The following DCDC1 variants were observed in gnomAD, a reference collection of about 807,000 sequenced individuals.
DCDC1 encodes doublecortin domain containing 1, also known as doublecortin domain-containing protein 1.
A neutral mutation model predicts 178.3 loss-of-function variants in DCDC1; 200 were observed. The observed-to-expected ratio is 1.12, with a 90% CI of 1.00 to 1.26. DCDC1 has a LOEUF of 1.26. Ranked by LOEUF, DCDC1 falls within the 50% of genes most tolerant of loss-of-function variation. DCDC1 has a pLI of 0.00. For synonymous variants in DCDC1, 690 were observed against 604.8 expected (o/e 1.14, Z -2.07); for missense variants, 1,983 against 1,749.2 (o/e 1.13, Z -2.38).
intron 8 of DCDC1, among the ~76,000 whole-genome samples, chr11:31,250,307 A>T (rs1215729149): frequency 6.7e-6 from 1 of 148,374 alleles, no homozygotes; most frequent in Non-Finnish European, 1.5e-5. Context: ...CAAGGCAAAA[A>T]AAAATTATGA....
intron 32 of DCDC1, among the ~76,000 whole-genome samples, chr11:30,902,579 T>A (rs1314476987): frequency 6.6e-6 from 1 of 152,150 alleles, no homozygotes; most frequent in East Asian, 1.9e-4. Flanking sequence ...TAGTAAAATA[T>A]GTACATTTTA....
chr11:31,069,041 C>G (rs1343136781), intron 18 of DCDC1, among the ~76,000 whole-genome samples: 1 of 151,870 alleles, frequency 6.6e-6, no homozygotes, highest in Non-Finnish European at 1.5e-5. Flanking sequence ...TTAGTAGAGA[C>G]AGGGTTTCAC....
chr11:31,153,817 C>CACA (rs957007039), intron 9 of DCDC1, among the ~76,000 whole-genome samples: 5 of 149,990 alleles, frequency 3.3e-5, no homozygotes, highest in Non-Finnish European at 5.9e-5. Flanking sequence ...CACACACACA[C>CACA]AATTACCATA....
intron 1 of DCDC1, among the ~76,000 whole-genome samples, chr11:31,357,839 T>C (rs1382518907): frequency 1.3e-5 from 2 of 151,554 alleles, no homozygotes; most frequent in African/African-American, 4.8e-5. Flanking sequence ...CCATTCACAA[T>C]TGCTTCAAAG....
At chr11:31,284,091 C>T (rs1946647961) in intron 7 of DCDC1, among the ~76,000 whole-genome samples, 1 of 152,020 alleles carries the variant, frequency 6.6e-6, no homozygotes, top group African/African-American at 2.4e-5. Flanking sequence ...GCTGATGCTT[C>T]CTGTTGTCTA....
rs549187944 is a variant in DCDC1 at position 30,909,106 on chromosome 11, G to A, written c.3758C>T (p.Pro1253Leu). The part of the protein sequence containing the change: ...GYPVIVQKYK[P>L]YNNGAANQKW... ...TTGATTGGCAGCTCCATTGTTGTAC[G>A]GCTTATATTTCTGAAAAAAGAGGCA... The change falls in exon 29 of 39, where the codon CCG becomes CTG. Residue 1253 changes from proline to leucine, a missense_variant. Transcript: ENST00000684477. The A allele has an allele frequency of 6.2e-6, 10 of 1,604,212 alleles. No individual in the cohort carries two copies. In the South Asian group the frequency reaches 6.7e-5, roughly 11 times the overall value.
chr11:30,936,063 C>T (rs1311167997), intron 21 of DCDC1, among the ~76,000 whole-genome samples: 1 of 151,886 alleles, frequency 6.6e-6, no homozygotes, highest in Non-Finnish European at 1.5e-5. Flanking sequence ...AGCTTGTCTT[C>T]TTTCCAAGTC....
At chr11:30,913,396 C>A (rs1945594060) in intron 27 of DCDC1, among the ~76,000 whole-genome samples, 1 of 151,756 alleles carries the variant, frequency 6.6e-6, no homozygotes, top group East Asian at 1.9e-4. Flanking sequence ...GCAACAGAGA[C>A]TCTGTCTCAA....
Position 31,102,227 on chromosome 11 carries a change from G to T in DCDC1, c.1933C>A (p.Pro645Thr), listed in dbSNP as rs780035030. The change falls in exon 15 of 39, where the codon CCT (proline) becomes ACT (threonine). Residue 645 changes from proline (P) to threonine (T), a missense_variant. Transcript: ENST00000684477. ...INFNCTSQQI[P>T]DQFEKVDLEN... ...AAGTCCACCTTTTCAAACTGGTCAG[G>T]TATCTGTTGACTGGTACAGTTGAAA... 4 of 740,822 alleles carry T rather than the reference G, an allele frequency of 5.4e-6. No homozygotes were observed. The highest frequency in any genetic ancestry group is 9.9e-6 in the Non-Finnish European group (4 of 402,262). The allele number at this position is 740,822 out of a possible 1,614,324, so 45.9% of individuals were successfully genotyped here. A position where few individuals can be genotyped will look rare whatever the true frequency, so the allele number is the denominator to read the frequency against.
chr11:30,872,959 CA>C (rs987833036), intron 38 of DCDC1, among the ~76,000 whole-genome samples: 51 of 151,762 alleles, frequency 3.4e-4, no homozygotes, highest in African/African-American at 1.1e-3. Flanking sequence ...GCATGCCCAG[CA>C]CCTAGAACAG....
rs571915321 is a variant in DCDC1, at chr11:30,969,794, A to G, written c.2592-17226T>C. 1.3e-3 allele frequency among the ~76,000 whole-genome samples: 199 copies of G among 152,330 alleles called. 2 individuals carry two copies. Among genetic ancestry groups the G allele is most frequent in the African/African-American group, 4.0e-3 (167 of 41,570 alleles). ...CAAGTTGTAATATTATAATCAAACT[A>G]CATTTTAAATTTTTATGTCCTAATT... On this transcript the variant is annotated intron_variant, in intron 20 of 38. Coordinates refer to ENST00000684477, the MANE Select transcript of DCDC1 (RefSeq NM_001387274.1).
intron 6 of DCDC1, among the ~76,000 whole-genome samples, chr11:31,295,319 G>A (rs1947611441): frequency 6.6e-6 from 1 of 151,946 alleles, no homozygotes; most frequent in African/African-American, 2.4e-5. Flanking sequence ...CACAGATGCA[G>A]AACCCGTGGA....
At chr11:31,134,293 C>A (rs764965083) in intron 10 of DCDC1, among the ~76,000 whole-genome samples, 4 of 152,148 alleles carry the variant, frequency 2.6e-5, no homozygotes, top group Non-Finnish European at 5.9e-5. Flanking sequence ...ACCTCTAACT[C>A]CAAGAGCATA....
chr11:30,918,200 G>GT (rs1160542030), intron 25 of DCDC1, among the ~76,000 whole-genome samples: 2 of 152,102 alleles, frequency 1.3e-5, no homozygotes, highest in African/African-American at 4.8e-5. Flanking sequence ...AAATCCAGAT[G>GT]TTTAACTTTC....
intron 17 of DCDC1, among the ~76,000 whole-genome samples, chr11:31,083,174 A>T (rs971245627): frequency 6.6e-6 from 1 of 151,498 alleles, no homozygotes; most frequent in East Asian, 1.9e-4. Context: ...AAATGGCAAT[A>T]AAAAAAATGG....
chr11:31,155,186 A>G lies in DCDC1; in HGVS notation c.1222-17402T>C, dbSNP rs376801250. On this transcript the variant is annotated intron_variant, in intron 9 of 38. Transcript: ENST00000684477. ...AAGAGGACTAATTTACTTAGTCTGA[A>G]ATGGATTCCATTTTGCTTTCCAAAA... is the stretch of plus-strand genomic sequence containing the variant. Among the ~76,000 whole-genome samples, 13 of 152,278 alleles carry G rather than the reference A, an allele frequency of 8.5e-5. No individual in the cohort carries two copies. In the East Asian group the frequency reaches 1.7e-3, roughly 20 times the overall value.
chr11:30,877,376 T>C (rs936858289), intron 38 of DCDC1, among the ~76,000 whole-genome samples: 1 of 152,176 alleles, frequency 6.6e-6, no homozygotes, highest in African/African-American at 2.4e-5. Context: ...AGCATTTCTC[T>C]GGAAATTTTT....
chr11:31,138,279 T>G (rs1359695162), intron 9 of DCDC1, among the ~76,000 whole-genome samples: 3 of 152,180 alleles, frequency 2.0e-5, no homozygotes, highest in Non-Finnish European at 4.4e-5. Flanking sequence ...TCTAAATACA[T>G]AAACAGTTAC....
intron 20 of DCDC1, among the ~76,000 whole-genome samples, chr11:30,995,724 A>G (rs1468159387): frequency 6.6e-6 from 1 of 152,140 alleles, no homozygotes; most frequent in Non-Finnish European, 1.5e-5. Context: ...AAAAAATAAG[A>G]CAAAAACCAA....
Sources: allele counts gnomAD v4.1 joint callset (sites outside exome capture counted in the v4.1 genomes callset), GRCh38; gene constraint gnomAD v4.1.1; transcripts MANE v1.5; gene names NCBI Gene and HGNC (gene_info 2026-07-23, HGNC 2026-07-21).